The following PI4KA variants were observed in gnomAD, a reference collection of about 807,000 sequenced individuals.
PI4KA encodes phosphatidylinositol 4-kinase alpha.
In PI4KA, 122 loss-of-function variants were observed where a neutral mutation model predicts 271.4. The ratio of observed to expected loss-of-function variants is 0.45; its 90% CI spans 0.39 to 0.52. PI4KA has a LOEUF of 0.52. Among genes scored for constraint, PI4KA ranks in the 20% least tolerant of loss-of-function variants. The probability of loss-of-function intolerance (pLI) is 0.00; values close to 1 mark genes in which losing one functional copy is unlikely to be tolerated. For synonymous variants in PI4KA, 1,041 were observed against 1,078.8 expected (o/e 0.96, Z 0.69); for missense variants, 1,969 against 2,769.1 (o/e 0.71, Z 6.48).
intron 23 of PI4KA, 66 bp from the exon 24 acceptor site, chr22:20,753,246 C>G (rs139650678): frequency 1.4e-6 from 2 of 1,435,746 alleles, no homozygotes; most frequent in Non-Finnish European, 1.9e-6. Flanking sequence ...AACTTTCAAT[C>G]ATTTTCTTTT....
chr22:20,816,510 A>C (rs1205955991), intron 7 of PI4KA, among the ~76,000 whole-genome samples: 1 of 152,146 alleles, frequency 6.6e-6, no homozygotes, highest in African/African-American at 2.4e-5. Flanking sequence ...CGGCTGTAAG[A>C]AAAGTCTTAG....
At chr22:20,735,798 G>A (rs972082514) in intron 32 of PI4KA, among the ~76,000 whole-genome samples, 3 of 152,216 alleles carry the variant, frequency 2.0e-5, no homozygotes, top group Admixed American at 1.3e-4. Flanking sequence ...CCTGGGGGAC[G>A]AGGCACTAGA....
chr22:20,816,714 G>A lies in PI4KA; in HGVS notation c.856+1769C>T, dbSNP rs187361159. ...AGGGTCTGCTGCTGTCTGTCCTACA[G>A]TGAGGCATTTCAGAGAGCAGGGCTC... On this transcript the variant is annotated intron_variant, in intron 7 of 54. Transcript: ENST00000255882. Among the ~76,000 whole-genome samples, 116 of 152,350 alleles carry A rather than the reference G, an allele frequency of 7.6e-4. 3 individuals carry two copies. The highest frequency in any genetic ancestry group is 7.0e-3 in the South Asian group (34 of 4,832).
intron 2 of PI4KA, among the ~76,000 whole-genome samples, 194 bp downstream of exon 2, chr22:20,838,421 A>T (rs1293621892): frequency 1.3e-5 from 2 of 152,144 alleles, no homozygotes; most frequent in Non-Finnish European, 2.9e-5. Flanking sequence ...ATTCTAAAAA[A>T]CTCAAATTTT....
In PI4KA at chr22:20,799,675, C is replaced by A; in HGVS notation, c.1816G>T (p.Asp606Tyr). 1 of 1,549,112 alleles carries A rather than the reference C, an allele frequency of 6.5e-7. No individual in the cohort carries two copies. Among genetic ancestry groups the A allele is most frequent in the East Asian group, 2.4e-5 (1 of 40,960 alleles). The change falls in exon 15 of 55, where the codon GAC (aspartate) becomes TAC (tyrosine). Residue 606 changes from aspartate (D) to tyrosine (Y), a missense_variant. By Grantham distance (160) the Asp-to-Tyr change is radical. Around this residue, in one of 13 missense-constraint regions of PI4KA, gnomAD observed 228 missense variants for 261.6 expected, o/e 0.87. Transcript: ENST00000255882. ...GAGACAGGAATAGGGGCGTACTTGT[C>A]GCTCTCCTGAGAGATGTAGAGCCGG... ...SNRLYISQES[D>Y]KDAHLIPDHT...
chr22:20,811,944 C>T (rs965774344), intron 8 of PI4KA, among the ~76,000 whole-genome samples: 9 of 138,008 alleles, frequency 6.5e-5, no homozygotes, highest in South Asian at 4.8e-4. Flanking sequence ...ACCTGGGAGG[C>T]GGAGCTTGCA....
At chr22:20,731,961 C>T (rs554114525) in intron 36 of PI4KA, among the ~76,000 whole-genome samples, 19 of 133,450 alleles carry the variant, frequency 1.4e-4, no homozygotes, top group Non-Finnish European at 1.6e-4. Context: ...AGTCTGGGCG[C>T]GGAGATCGAG....
At chr22:20,713,666 C>T (rs1925623304) in intron 47 of PI4KA, among the ~76,000 whole-genome samples, 1 of 152,202 alleles carries the variant, frequency 6.6e-6, no homozygotes, top group African/African-American at 2.4e-5. Flanking sequence ...CCAGGTGTGC[C>T]TGGGTCAGTG....
At chr22:20,761,710 T>C (rs1201374043) in intron 22 of PI4KA, among the ~76,000 whole-genome samples, 2 of 151,692 alleles carry the variant, frequency 1.3e-5, no homozygotes, top group African/African-American at 2.4e-5. Flanking sequence ...AGCCAAAGCA[T>C]ACCCATTCGA....
rs1261132333 is a variant in PI4KA at position 20,824,336 on chromosome 22, A to T, written c.446T>A (p.Leu149His). 6.2e-7 allele frequency: 1 copy of T among 1,609,660 alleles called. No individual in the cohort carries two copies. The highest frequency in any genetic ancestry group is 1.1e-5 in the South Asian group (1 of 90,966). ...LSDVAYRDPS[L>H]RDEILEVLLQ... ...CCAACACATGCTTACCTCATCCCTA[A>T]GTGAAGGATCCCTATAGGCCACATC... Residue 149 changes from leucine (L) to histidine (H), a missense_variant, in exon 4 of 55, where the codon CTT becomes CAT. Around this residue, in one of 13 missense-constraint regions of PI4KA, gnomAD observed 540 missense variants for 555.5 expected, o/e 0.97. Transcript: ENST00000255882.
chr22:20,731,549 A>G lies in PI4KA; in HGVS notation c.4288+1422T>C, dbSNP rs1928051648. On this transcript the variant is annotated intron_variant, in intron 36 of 54. Coordinates refer to ENST00000255882, the MANE Select transcript of PI4KA (RefSeq NM_058004.4). ...TGTGGCCCACACCTGTAATCCCAGC[A>G]CTTCAGGAGGCTGAGGCGGGCGGAT... is the stretch of plus-strand genomic sequence containing the variant. Among the ~76,000 whole-genome samples, 4 of 151,990 alleles carry G rather than the reference A, an allele frequency of 2.6e-5. No homozygotes were observed. The South Asian group carries it at 8.3e-4, about 32-fold the overall frequency.
At chr22:20,729,861 T>C in intron 37 of PI4KA, 31 bp downstream of exon 37, 1 of 1,613,544 alleles carries the variant, frequency 6.2e-7, no homozygotes, top group Non-Finnish European at 8.5e-7. Flanking sequence ...AGCTTGCATG[T>C]GATGGCCCCA....
Position 20,798,706 on chromosome 22 carries a change from C to A in PI4KA, c.2005-19G>T. The A allele has an allele frequency of 3.3e-6, 5 of 1,518,380 alleles. No individual in the cohort carries two copies. Among genetic ancestry groups the A allele is most frequent in the Non-Finnish European group, 4.6e-6 (5 of 1,092,678 alleles). 94.1% of individuals were successfully genotyped at this position (1,518,380 alleles called of 1,614,324 possible). On this transcript the variant is annotated intron_variant, in intron 16 of 54. Coordinates refer to ENST00000255882, the MANE Select transcript of PI4KA (RefSeq NM_058004.4). ...TGTATTGCTGGGAGAGAGCAAGATG[C>A]ACTGTCACCATGCAGGATGCCCTCA...
intron 23 of PI4KA, among the ~76,000 whole-genome samples, chr22:20,759,337 C>A (rs370313421): frequency 3.3e-4 from 50 of 152,214 alleles, no homozygotes; most frequent in Middle Eastern, 6.8e-3. Context: ...AGCCACTGCA[C>A]CTGGCCTGGG....
chr22:20,835,294 G>C (rs991537663), intron 2 of PI4KA, among the ~76,000 whole-genome samples: 5 of 152,142 alleles, frequency 3.3e-5, no homozygotes, highest in African/African-American at 4.8e-5. Context: ...TCCATCATTG[G>C]CTTTTGGAGC....
chr22:20,810,441 A>AGAGCTTGCAGTGAGCC (rs988028812), intron 9 of PI4KA, among the ~76,000 whole-genome samples: 21 of 151,910 alleles, frequency 1.4e-4, no homozygotes, highest in African/African-American at 5.1e-4. Context: ...CCTGGGAGGC[A>AGAGCTTGCAGTGAGCC]GAGCTTGCAG....
chr22:20,838,151 A>G (rs1246110959), intron 2 of PI4KA, among the ~76,000 whole-genome samples: 6 of 152,048 alleles, frequency 3.9e-5, no homozygotes, highest in Admixed American at 6.6e-5. Flanking sequence ...ACACTGATAC[A>G]TACTCTAAAA....
chr22:20,854,401 G>A (rs1016508771), intron 1 of PI4KA, among the ~76,000 whole-genome samples: 3 of 152,146 alleles, frequency 2.0e-5, no homozygotes, highest in Non-Finnish European at 4.4e-5. Flanking sequence ...GATTACAGGC[G>A]TGAGTCACTG....
In PI4KA at chr22:20,823,515, A is replaced by C. The variant is rs143715292; in HGVS notation, c.456+811T>G. Among the ~76,000 whole-genome samples, 892 of 152,350 alleles carry C rather than the reference A, an allele frequency of 5.9e-3. 7 individuals are homozygous for C. The highest frequency in any genetic ancestry group is 0.055 in the East Asian group (285 of 5,192). ...TTTCTAAGCGATAAATTTAAGAAAAAGTTGTATGATTACATTCTTTGTTTA... is the reference window on the plus strand; with the variant it reads ...TTTCTAAGCGATAAATTTAAGAAAACGTTGTATGATTACATTCTTTGTTTA... On this transcript the variant is annotated intron_variant, in intron 4 of 54. Transcript: ENST00000255882.
Sources: allele counts gnomAD v4.1 joint callset (sites outside exome capture counted in the v4.1 genomes callset), GRCh38; gene constraint gnomAD v4.1.1; regional missense constraint gnomAD v4.1.1; transcripts MANE v1.5; gene names NCBI Gene and HGNC (gene_info 2026-07-23, HGNC 2026-07-21).